ZNF726: variants seen among roughly 807,000 people sequenced by gnomAD.
ZNF726 encodes the protein zinc finger protein 726.
A neutral mutation model predicts 11.6 loss-of-function variants in ZNF726; 15 were observed. The observed-to-expected ratio is 1.29, with a 90% CI of 0.86 to 1.99. The LOEUF is 1.99. Among genes scored for constraint, ZNF726 ranks in the 30% most tolerant of loss-of-function variants. ZNF726 has a pLI of 0.00. For synonymous variants in ZNF726, 295 were observed against 243.6 expected (o/e 1.21, Z -1.96); for missense variants, 890 against 725.6 (o/e 1.23, Z -2.60).
chr19:23,933,344 T>C lies in ZNF726; in HGVS notation c.1228T>C (p.Ser410Pro), dbSNP rs1209065118. The C allele has an allele frequency of 3.7e-6, 6 of 1,613,000 alleles. No individual in the cohort carries two copies. The highest frequency in any genetic ancestry group is 3.3e-5 in the Admixed American group (2 of 59,946). Residue 410 changes from serine (S) to proline (P), a missense_variant, in exon 4 of 4, where the codon TCA becomes CCA. Physicochemically the swap from Ser to Pro is moderately conservative, Grantham distance 74. Transcript: ENST00000594466. The stretch of plus-strand genomic sequence containing the variant: ...ATGTGGCAAAGCTTTTCATCGATCC[T>C]CAAATCTTACTAAACATAAGATAAT... ...EECGKAFHRSSNLTKHKIIHT... is the reference protein window; with the variant it reads ...EECGKAFHRSPNLTKHKIIHT...
intron 1 of ZNF726, among the ~76,000 whole-genome samples, chr19:23,917,443 C>G (rs893961383): frequency 4.7e-5 from 7 of 149,686 alleles, no homozygotes; most frequent in African/African-American, 1.7e-4. Context: ...TGAGTGATTT[C>G]ATACAGAAGT....
intron 3 of ZNF726, chr19:23,943,469 A>C: frequency 1.7e-6 from 1 of 582,906 alleles, no homozygotes; most frequent in East Asian, 2.8e-5. Context: ...CCAGCAAGTC[A>C]TATTACTTTT....
Position 23,933,418 on chromosome 19 carries a change from T to C in ZNF726, c.1302T>C (p.Phe434=). 2 of 1,612,586 alleles carry C rather than the reference T, an allele frequency of 1.2e-6. No homozygotes were observed. Among genetic ancestry groups the C allele is most frequent in the Middle Eastern group, 1.7e-4 (1 of 6,058 alleles). ...AGTGTGAAGAATGCGGCAAAGCGTT[T>C]ATATGGTCCTCAAACCTTACTGAAC... is the stretch of plus-strand genomic sequence containing the variant. ...PYKCEECGKA[F]IWSSNLTEHK... is the part of the protein sequence containing the mutation. Residue 434 remains phenylalanine (F), a synonymous_variant, in exon 4 of 4, where the codon TTT becomes TTC. Transcript: ENST00000594466.
At chr19:23,935,326 G>A (rs1287243768), downstream of ZNF726, 1 of 523,672 alleles carries the variant, frequency 1.9e-6, no homozygotes, top group African/African-American at 2.0e-5. Context: ...GTGTTTTTCT[G>A]GTCCTCAGCC....
chr19:23,918,465 T>C (rs1012174614), intron 1 of ZNF726, among the ~76,000 whole-genome samples: 8 of 152,126 alleles, frequency 5.3e-5, no homozygotes, highest in Non-Finnish European at 1.2e-4. Context: ...ATGGAAGATA[T>C]CTGTATCTTG....
downstream of ZNF726, among the ~76,000 whole-genome samples, chr19:23,935,052 T>C (rs1968204747): frequency 6.6e-6 from 1 of 152,160 alleles, no homozygotes. Flanking sequence ...TATAGAAGTC[T>C]CAGAATCATT....
Position 23,934,287 on chromosome 19 carries a change from C to T in ZNF726, c.*320C>T, listed in dbSNP as rs531880567. 7.9e-6 allele frequency: 5 copies of T among 635,632 alleles called. No individual in the cohort carries two copies. The African/African-American group carries it at 9.0e-5, about 11-fold the overall frequency. The allele number at this position is 635,632 out of a possible 1,614,324, so 39.4% of individuals were successfully genotyped here. ...CTAAGTAGACATAAGAGGATGCACACTGGAGAGAAACCTTACAAATGTGAG... is the reference window on the plus strand; with the variant it reads ...CTAAGTAGACATAAGAGGATGCACATTGGAGAGAAACCTTACAAATGTGAG... On this transcript the variant is annotated 3_prime_UTR_variant, in exon 4 of 4. Coordinates refer to ENST00000594466, the MANE Select transcript of ZNF726 (RefSeq NM_001244038.2).
downstream of ZNF726, among the ~76,000 whole-genome samples, chr19:23,937,271 C>T (rs1968256179): frequency 6.6e-6 from 1 of 151,516 alleles, no homozygotes; most frequent in African/African-American, 2.4e-5. Context: ...GGGCGGCTGG[C>T]CGGGCGGGGG....
chr19:23,937,097 C>A (rs1252803193), downstream of ZNF726, among the ~76,000 whole-genome samples: 39 of 150,564 alleles, frequency 2.6e-4, no homozygotes, highest in Non-Finnish European at 5.2e-4. Flanking sequence ...CTGACCCCCC[C>A]CACCTCCCTC....
In ZNF726 at chr19:23,920,000, T is replaced by A. The variant is rs750791298; in HGVS notation, c.144T>A (p.Ser48=). The A allele has an allele frequency of 1.1e-5, 18 of 1,582,278 alleles. No individual in the cohort carries two copies. In the East Asian group the frequency reaches 4.2e-4, roughly 37 times the overall value. ...TTAATAAAACAGGTATTGCTGTCTC[T>A]AAGCCAGACCTCATCATCTGTCTGG... ...RNLAFLGIAV[S]KPDLIICLEK... Residue 48 remains serine, a synonymous_variant, in exon 3 of 4, where the codon TCT becomes TCA. Transcript: ENST00000594466.
chr19:23,930,583 T>A (rs1457794293), intron 3 of ZNF726, among the ~76,000 whole-genome samples: 1 of 152,312 alleles, frequency 6.6e-6, no homozygotes, highest in East Asian at 1.9e-4. Flanking sequence ...TTTGTTTGCC[T>A]GTATAAATGT....
intron 3 of ZNF726, among the ~76,000 whole-genome samples, chr19:23,926,359 C>T (rs1967987220): frequency 6.6e-6 from 1 of 151,864 alleles, no homozygotes; most frequent in Non-Finnish European, 1.5e-5. Context: ...TCAAGACAAG[C>T]CTGGCCAACG....
At chr19:23,925,510 G>A (rs550161350) in intron 3 of ZNF726, among the ~76,000 whole-genome samples, 3 of 151,190 alleles carry the variant, frequency 2.0e-5, no homozygotes, top group Non-Finnish European at 4.4e-5. Context: ...TATTTTTATT[G>A]CATCATCAAC....
chr19:23,944,278 G>T (rs1273571617), intron 4 of ZNF726: 1 of 151,926 alleles, frequency 6.6e-6, no homozygotes, highest in Admixed American at 6.6e-5. Flanking sequence ...AGCTTTTCTT[G>T]TATATATGGT....
chr19:23,938,315 G>T (rs1968280102), downstream of ZNF726, among the ~76,000 whole-genome samples: 1 of 151,960 alleles, frequency 6.6e-6, no homozygotes, highest in African/African-American at 2.4e-5. Flanking sequence ...ATAAATTATG[G>T]AGTGTGTTTG....
At chr19:23,922,123 TG>T (rs1280316998) in intron 3 of ZNF726, among the ~76,000 whole-genome samples, 1 of 152,232 alleles carries the variant, frequency 6.6e-6, no homozygotes, top group African/African-American at 2.4e-5. Flanking sequence ...CACTTTTAGT[TG>T]TCTTGTTAAA....
At chr19:23,934,948 C>A (rs1158815550), downstream of ZNF726, among the ~76,000 whole-genome samples, 1 of 152,200 alleles carries the variant, frequency 6.6e-6, no homozygotes, top group African/African-American at 2.4e-5. Context: ...TTATAAAGAG[C>A]CTGGTCCCTT....
At chr19:23,919,622 T>C in intron 2 of ZNF726, 123 bp downstream of exon 2, 1 of 1,280,424 alleles carries the variant, frequency 7.8e-7, no homozygotes. Flanking sequence ...TGGGGATTTG[T>C]CTGTTTAGAA....
chr19:23,930,206 T>A (rs903608067), intron 3 of ZNF726, among the ~76,000 whole-genome samples: 1 of 152,190 alleles, frequency 6.6e-6, no homozygotes, highest in Non-Finnish European at 1.5e-5. Context: ...TTAAATCAAA[T>A]ATTATTGGTT....
Sources: gnomAD v4.1 joint callset for allele counts (sites outside exome capture counted in the v4.1 genomes callset) on GRCh38, gnomAD v4.1.1 for gene constraint, MANE v1.5 for transcripts, NCBI Gene and HGNC (gene_info 2026-07-23, HGNC 2026-07-21) for gene names.